The following RNPC3 variants were observed in gnomAD, a reference collection of about 807,000 sequenced individuals.
RNPC3 encodes RNA binding region (RNP1, RRM) containing 3, also known as RNA-binding region-containing protein 3.
In RNPC3, 48 loss-of-function variants were observed where a neutral mutation model predicts 67.5. That is an observed-to-expected ratio of 0.71 (90% CI 0.56 to 0.90). The LOEUF is 0.90. RNPC3 is among the 40% of genes least tolerant of loss of function. The probability of loss-of-function intolerance (pLI) is 0.00; values close to 1 mark genes in which losing one functional copy is unlikely to be tolerated. For synonymous variants in RNPC3, 239 were observed against 210.3 expected, an observed-to-expected ratio of 1.14 and a Z score of -1.18; for missense variants, 637 against 626.1, an observed-to-expected ratio of 1.02 and a Z score of -0.19.
At chr1:103,550,595 C>A (rs1044291560) in intron 12 of RNPC3, among the ~76,000 whole-genome samples, 1 of 139,112 alleles carries the variant, frequency 7.2e-6, no homozygotes, top group Non-Finnish European at 1.5e-5. Context: ...GAGCGGAGAT[C>A]ATGCCACTGC....
At chr1:103,547,438 TAAG>T (rs1651272935) in intron 12 of RNPC3, among the ~76,000 whole-genome samples, 1 of 152,140 alleles carries the variant, frequency 6.6e-6, no homozygotes, top group South Asian at 2.1e-4. Context: ...TAACATTGCA[TAAG>T]AATCACCTGG....
At chr1:103,536,239 A>T (rs1393762992) in intron 6 of RNPC3, 45 bp downstream of exon 6, 37 of 1,389,350 alleles carry the variant, frequency 2.7e-5, no homozygotes, top group Non-Finnish European at 3.6e-5. Flanking sequence ...TCTCTTCCTG[A>T]ATGGGATTAT....
chr1:103,528,555 A>G (rs1189792116), intron 2 of RNPC3, among the ~76,000 whole-genome samples: 1 of 152,146 alleles, frequency 6.6e-6, no homozygotes, highest in African/African-American at 2.4e-5. Context: ...TAGATTGAGG[A>G]TTGAGTTATT....
At chr1:103,553,068 AG>A (rs1161321101) in intron 14 of RNPC3, among the ~76,000 whole-genome samples, 1 of 152,178 alleles carries the variant, frequency 6.6e-6, no homozygotes, top group Non-Finnish European at 1.5e-5. Flanking sequence ...TGGGTAAATA[AG>A]GGAAAATTTT....
chr1:103,540,151 GCCA>G (rs1309368782), intron 7 of RNPC3, among the ~76,000 whole-genome samples: 5 of 152,202 alleles, frequency 3.3e-5, no homozygotes, highest in African/African-American at 1.2e-4. Flanking sequence ...ATAGGCGTGA[GCCA>G]CCATGTCCAG....
At chr1:103,544,191 T>C (rs1191917117) in intron 9 of RNPC3, among the ~76,000 whole-genome samples, 1 of 151,840 alleles carries the variant, frequency 6.6e-6, no homozygotes, top group Non-Finnish European at 1.5e-5. Context: ...TGTGTGTATG[T>C]ATGTATCCTT....
intron 2 of RNPC3, 58 bp downstream of exon 2, chr1:103,527,800 T>G: frequency 1.6e-6 from 2 of 1,258,614 alleles, no homozygotes; most frequent in Non-Finnish European, 2.2e-6. Flanking sequence ...ACAATCTTGG[T>G]TCAGATAATG....
chr1:103,531,237 T>TATATATATATA (rs1423717700), intron 2 of RNPC3, among the ~76,000 whole-genome samples: 3 of 152,220 alleles, frequency 2.0e-5, no homozygotes, highest in African/African-American at 7.2e-5. Context: ...AATTTCTTTA[T>TATATATATATA]CCACTCATTG....
chr1:103,539,826 A>G (rs758919553), intron 7 of RNPC3, among the ~76,000 whole-genome samples: 6 of 152,180 alleles, frequency 3.9e-5, no homozygotes, highest in African/African-American at 7.2e-5. Context: ...ATGATACCAC[A>G]TATGGCTGGC....
intron 14 of RNPC3, chr1:103,554,308 C>T (rs1268169761): frequency 6.6e-6 from 1 of 152,202 alleles, no homozygotes; most frequent in Non-Finnish European, 1.5e-5. Context: ...GAACCATGAT[C>T]ACACCACTGC....
Position 103,537,453 on chromosome 1 carries a change from T to A in RNPC3, c.736T>A (p.Tyr246Asn). 1.3e-6 allele frequency: 2 copies of A among 1,536,714 alleles called. No homozygotes were observed. The highest frequency in any genetic ancestry group is 2.4e-5 in the South Asian group (2 of 84,014). ...GGAATTATCTAGTGAAGAATCAGAA[T>A]ATGAAAGCACTGATGATGAGGACCG... ...DEELSSEESE[Y>N]ESTDDEDRQR... The change falls in exon 7 of 15, where the codon TAT becomes AAT. Residue 246 changes from tyrosine (Y) to asparagine (N), a missense_variant. Around this residue, in one of 3 missense-constraint regions of RNPC3, gnomAD observed 536 missense variants for 500.3 expected, o/e 1.07. Transcript: ENST00000423855.
chr1:103,536,340 CTG>C (rs1370365478), intron 6 of RNPC3, 146 bp downstream of exon 6: 7 of 581,598 alleles, frequency 1.2e-5, no homozygotes, highest in African/African-American at 3.7e-5. Flanking sequence ...AATAGTAGAA[CTG>C]AGAACTGTTA....
At chr1:103,533,346 T>G (rs1055174035) in intron 2 of RNPC3, among the ~76,000 whole-genome samples, 3 of 152,008 alleles carry the variant, frequency 2.0e-5, no homozygotes, top group Admixed American at 6.5e-5. Context: ...CAAAATACTC[T>G]CTGAGATATA....
At position 103,541,340 on chromosome 1, in the gene RNPC3, C is replaced by T; in HGVS notation, c.768-10C>T. ...GGAAATTTTGTTTATCATCCCTCTC[C>T]TCATTGTAGAATGAACAAATTAATG... On this transcript the variant is annotated splice_polypyrimidine_tract_variant and intron_variant, in intron 7 of 14. Transcript: ENST00000423855. 6.7e-7 allele frequency: 1 copy of T among 1,500,532 alleles called. No homozygotes were observed. The highest frequency in any genetic ancestry group is 8.8e-7 in the Non-Finnish European group (1 of 1,133,648). The allele number at this position is 1,500,532 out of a possible 1,614,324, so 93.0% of individuals were successfully genotyped here.
At chr1:103,532,148 G>T (rs577700014) in intron 2 of RNPC3, among the ~76,000 whole-genome samples, 34 of 152,160 alleles carry the variant, frequency 2.2e-4, no homozygotes, top group Non-Finnish European at 4.4e-4. Flanking sequence ...TAAGTATTTG[G>T]GTTTATTTCT....
Position 103,537,405 on chromosome 1 carries a change from C to A in RNPC3, c.688C>A (p.Pro230Thr). ...CACATCTCCTCAGCCACCTGAGGAA[C>A]CTCCTTTGCCAGACGAGGATGAGGA... ...PPTSPQPPEE[P>T]PLPDEDEELS... Residue 230 changes from proline to threonine, a missense_variant, in exon 7 of 15, where the codon CCT becomes ACT. By Grantham distance (38) the Pro-to-Thr change is conservative (BLOSUM62 -1). Coordinates refer to ENST00000423855, the MANE Select transcript of RNPC3 (RefSeq NM_017619.4). 1 of 1,535,452 alleles carries A rather than the reference C, an allele frequency of 6.5e-7. No homozygotes were observed. Among genetic ancestry groups the A allele is most frequent in the Non-Finnish European group, 8.7e-7 (1 of 1,145,654 alleles).
chr1:103,547,025 C>A lies in RNPC3; in HGVS notation c.1351C>A (p.Gln451Lys). The A allele has an allele frequency of 6.7e-7, 1 of 1,495,088 alleles. No individual in the cohort carries two copies. The highest frequency in any genetic ancestry group is 9.0e-7 in the Non-Finnish European group (1 of 1,116,048). The allele number at this position is 1,495,088 out of a possible 1,614,324, so 92.6% of individuals were successfully genotyped here. ...ATATGTTGACTTTTCATCAGAAACA[C>A]AGCGGATCATGTAAGTGACAGTAAA... ...GRYVDFSSET[Q>K]RIMFDIRLMK... The change falls in exon 12 of 15, where the codon CAG (glutamine) becomes AAG (lysine). Residue 451 changes from glutamine (Q) to lysine (K), a missense_variant. By Grantham distance (53) the Gln-to-Lys change is moderately conservative (BLOSUM62 1). This residue lies in a region of RNPC3 where 96 missense variants were observed against 105.8 expected (regional missense o/e 0.91). Transcript: ENST00000423855.
chr1:103,537,906 C>T (rs1458056698), intron 7 of RNPC3, among the ~76,000 whole-genome samples: 2 of 151,968 alleles, frequency 1.3e-5, no homozygotes, highest in African/African-American at 2.4e-5. Context: ...TGCAATGGCG[C>T]GATCTCAGCT....
chr1:103,529,540 G>A (rs983997713), intron 2 of RNPC3, among the ~76,000 whole-genome samples: 2 of 152,054 alleles, frequency 1.3e-5, no homozygotes, highest in African/African-American at 2.4e-5. Context: ...AGCCGAGTCA[G>A]GTAGGAGGAG....
Sources: gnomAD v4.1 joint callset for allele counts (sites outside exome capture counted in the v4.1 genomes callset) on GRCh38, gnomAD v4.1.1 for gene constraint, gnomAD v4.1.1 regional missense constraint, MANE v1.5 for transcripts, NCBI Gene and HGNC (gene_info 2026-07-23, HGNC 2026-07-21) for gene names.